The following HYDIN variants were observed in gnomAD, a reference collection of about 807,000 sequenced individuals.
HYDIN encodes axonemal central pair apparatus protein HYDIN.
HYDIN carries 132 observed loss-of-function variants against 403.9 expected under a neutral mutation model. The ratio of observed to expected loss-of-function variants is 0.33; its 90% confidence interval spans 0.28 to 0.38. The LOEUF is 0.38. HYDIN is among the 10% of genes least tolerant of loss of function. The probability of loss-of-function intolerance (pLI) is 1.00; values close to 1 mark genes in which losing one functional copy is unlikely to be tolerated. For synonymous variants in HYDIN, 1,202 were observed against 1,891.7 expected, an observed-to-expected ratio of 0.64 and a Z score of 9.46; for missense variants, 2,827 against 5,009.5, an observed-to-expected ratio of 0.56 and a Z score of 13.15.
At chr16:71,050,387 T>C (rs1338135481) in intron 18 of HYDIN, among the ~76,000 whole-genome samples, 1 of 126,770 alleles carries the variant, frequency 7.9e-6, no homozygotes, top group East Asian at 2.0e-4. Context: ...TACAGATCTC[T>C]AGCATTAGAA....
At chr16:71,058,758 T>C (rs2081985475) in intron 18 of HYDIN, among the ~76,000 whole-genome samples, 1 of 152,096 alleles carries the variant, frequency 6.6e-6, no homozygotes, top group African/African-American at 2.4e-5. Flanking sequence ...AGTTGACCCT[T>C]GAACAACATG....
intron 23 of HYDIN, among the ~76,000 whole-genome samples, chr16:70,995,397 C>G (rs1157865849): frequency 6.6e-6 from 1 of 152,134 alleles, no homozygotes; most frequent in Non-Finnish European, 1.5e-5. Flanking sequence ...AAGAAATGTT[C>G]CCTGTAGCTG....
At chr16:70,985,064 G>A (rs2079149058) in intron 28 of HYDIN, 121 bp downstream of exon 28, 4 of 932,714 alleles carry the variant, frequency 4.3e-6, no homozygotes, top group South Asian at 2.0e-5. Flanking sequence ...TTCTGCTTCC[G>A]AGAGTTCTTT....
chr16:70,897,852 A>T (rs1324318410), intron 53 of HYDIN, among the ~76,000 whole-genome samples: 2 of 152,046 alleles, frequency 1.3e-5, no homozygotes, highest in Non-Finnish European at 2.9e-5. Context: ...GGACACATGG[A>T]GATGGTCACA....
At chr16:70,934,113 G>A (rs2077430696) in intron 45 of HYDIN, among the ~76,000 whole-genome samples, 1 of 152,104 alleles carries the variant, frequency 6.6e-6, no homozygotes, top group African/African-American at 2.4e-5. Context: ...AGCTCATGGA[G>A]GAGGACGTCA....
intron 16 of HYDIN, among the ~76,000 whole-genome samples, chr16:71,063,355 T>C (rs1425271357): frequency 6.6e-6 from 1 of 152,272 alleles, no homozygotes; most frequent in Non-Finnish European, 1.5e-5. Flanking sequence ...CTGATCTCTT[T>C]ACCTAGGTTT....
chr16:71,178,432 A>T (rs200173679), intron 4 of HYDIN, among the ~76,000 whole-genome samples: 15,442 of 79,702 alleles, frequency 0.19, 1,089 homozygotes, highest in Middle Eastern at 0.32. Context: ...AAAAAAAAAA[A>T]AAATATATAT....
At chr16:71,020,364 A>T (rs779755962) in intron 21 of HYDIN, 47 bp from the exon 22 acceptor site, 2 of 1,581,662 alleles carry the variant, frequency 1.3e-6, no homozygotes, top group Non-Finnish European at 1.7e-6. Flanking sequence ...TGGTAAATAC[A>T]GTAAGCTTTT....
intron 36 of HYDIN, 112 bp downstream of exon 36, chr16:70,970,408 G>A (rs917367966): frequency 3.3e-6 from 2 of 614,308 alleles, no homozygotes; most frequent in African/African-American, 3.8e-5. Flanking sequence ...CAGGTCAAGG[G>A]AAGTAGGTCA....
chr16:70,903,938 G>A lies in HYDIN; in HGVS notation c.8643C>T (p.Pro2881=). The change falls in exon 51 of 86, where the codon CCC becomes CCT. Residue 2881 remains proline, a synonymous_variant. Coordinates refer to ENST00000393567, the MANE Select transcript of HYDIN (RefSeq NM_001270974.2). ...DVKANTYFLE[P]NTMVLKPNEK... The stretch of plus-strand genomic sequence containing the variant: ...CATTGGGTTTCAGGACCATGGTGTT[G>A]GGTTCCAGGAAGTACGTGTTTGCTT... The A allele has an allele frequency of 1.4e-6, 1 of 717,350 alleles. No homozygotes were observed. Among genetic ancestry groups the A allele is most frequent in the Non-Finnish European group, 2.2e-6 (1 of 452,344 alleles). The allele number at this position is 717,350 out of a possible 1,614,324, so 44.4% of individuals were successfully genotyped here.
At chr16:71,014,472 C>T (rs1311942449) in intron 23 of HYDIN, among the ~76,000 whole-genome samples, 2 of 151,640 alleles carry the variant, frequency 1.3e-5, no homozygotes. Context: ...GTTCAGAGAT[C>T]ATGATCCACA....
chr16:71,133,174 G>A (rs1046623947), intron 8 of HYDIN: 4 of 436,246 alleles, frequency 9.2e-6, no homozygotes, highest in Admixed American at 5.3e-5. Flanking sequence ...GCACCCACAA[G>A]AGGTGCCAAC....
intron 15 of HYDIN, among the ~76,000 whole-genome samples, chr16:71,065,157 G>A (rs1364709768): frequency 2.0e-5 from 3 of 152,210 alleles, no homozygotes; most frequent in Admixed American, 6.5e-5. Context: ...CCATAGGGTA[G>A]TGAATCTGTT....
At chr16:70,882,034 A>C (rs1333965319) in intron 60 of HYDIN, among the ~76,000 whole-genome samples, 2 of 152,250 alleles carry the variant, frequency 1.3e-5, no homozygotes, top group African/African-American at 2.4e-5. Context: ...CAGCCCCCTG[A>C]GATGGGCAAT....
intron 15 of HYDIN, 92 bp downstream of exon 15, chr16:71,067,198 C>T: frequency 1.6e-6 from 1 of 638,596 alleles, no homozygotes. Context: ...ACTCAGTGTG[C>T]TTGGGTTGGC....
At chr16:70,916,213 T>C (rs1379899914) in intron 47 of HYDIN, among the ~76,000 whole-genome samples, 1 of 152,100 alleles carries the variant, frequency 6.6e-6, no homozygotes, top group Non-Finnish European at 1.5e-5. Context: ...GACTTCCTTC[T>C]CCCTGTGGCA....
chr16:70,803,648 T>C lies in HYDIN; in HGVS notation c.*3932A>G, dbSNP rs1419957912. ...GGCTGCTGATGACATTGTAAGAAAT[T>C]GTACCAAAATCTTGAACTGTGCAAA... On this transcript the variant is annotated 3_prime_UTR_variant, in exon 86 of 86. Coordinates refer to ENST00000393567, the MANE Select transcript of HYDIN (RefSeq NM_001270974.2). Among the ~76,000 whole-genome samples, 2 of 152,240 alleles carry C rather than the reference T, an allele frequency of 1.3e-5. No individual in the cohort carries two copies. The highest frequency in any genetic ancestry group is 2.9e-5 in the Non-Finnish European group (2 of 68,036).
chr16:71,056,590 C>T (rs530897642), intron 18 of HYDIN, among the ~76,000 whole-genome samples: 1 of 152,020 alleles, frequency 6.6e-6, no homozygotes, highest in African/African-American at 2.4e-5. Context: ...GCTGTGTGGC[C>T]GCACATGAGG....
At chr16:70,976,320 T>C (rs1163524744) in intron 30 of HYDIN, among the ~76,000 whole-genome samples, 3 of 152,284 alleles carry the variant, frequency 2.0e-5, no homozygotes, top group Non-Finnish European at 4.4e-5. Context: ...TCTGGTTTAA[T>C]ACTTATTCAA....
Sources: gnomAD v4.1 joint callset for allele counts (sites outside exome capture counted in the v4.1 genomes callset) on GRCh38, gnomAD v4.1.1 for gene constraint, MANE v1.5 for transcripts, NCBI Gene and HGNC (gene_info 2026-07-23, HGNC 2026-07-21) for gene names.